The following LRRC49 variants were observed in gnomAD, a reference collection of about 807,000 sequenced individuals.
LRRC49 encodes the protein leucine-rich repeat-containing protein 49.
Under a neutral mutation model 83.3 loss-of-function variants are expected in LRRC49, and 50 were observed. The ratio of observed to expected loss-of-function variants is 0.60; its 90% CI spans 0.48 to 0.76. The LOEUF (loss-of-function observed/expected upper bound fraction) is 0.76, where lower values mean the gene tolerates loss of function less well. LRRC49 is among the 30% of genes least tolerant of loss of function. LRRC49 has a pLI of 0.00. For missense variants in LRRC49, 704 were observed against 809.1 expected (o/e 0.87, Z 1.58); for synonymous variants, 286 against 283.3 (o/e 1.01, Z -0.10).
At chr15:70,887,699 C>T (rs1379905005), upstream of LRRC49, among the ~76,000 whole-genome samples, 1 of 152,092 alleles carries the variant, frequency 6.6e-6, no homozygotes, top group Non-Finnish European at 1.5e-5. Context: ...GAAAAGGATT[C>T]CCCTCACCTC....
At chr15:70,937,733 G>T (rs537052235) in intron 8 of LRRC49, among the ~76,000 whole-genome samples, 1 of 152,222 alleles carries the variant, frequency 6.6e-6, no homozygotes, top group South Asian at 2.1e-4. Flanking sequence ...GTCTCTAAAA[G>T]ACAGAAATTA....
chr15:70,947,830 C>T (rs552870133), intron 8 of LRRC49, among the ~76,000 whole-genome samples: 5 of 152,228 alleles, frequency 3.3e-5, no homozygotes, highest in South Asian at 4.1e-4. Flanking sequence ...TGGAATGAAT[C>T]GCCGCAGCCA....
intron 8 of LRRC49, among the ~76,000 whole-genome samples, chr15:70,952,778 C>T (rs1158241664): frequency 2.6e-5 from 4 of 151,572 alleles, no homozygotes; most frequent in South Asian, 2.1e-4. Flanking sequence ...CTTCACAGAT[C>T]GCTAAGAACT....
chr15:70,956,060 T>A (rs2036389956), intron 8 of LRRC49, among the ~76,000 whole-genome samples: 1 of 152,298 alleles, frequency 6.6e-6, no homozygotes, highest in Admixed American at 6.5e-5. Context: ...TCATGGTACC[T>A]TGCTGGTATA....
chr15:71,048,670 A>G, intron 15 of LRRC49: 3 of 407,722 alleles, frequency 7.4e-6, no homozygotes, highest in Non-Finnish European at 1.5e-5. Context: ...TAAATTCTTG[A>G]TTAAACAAAA....
intron 7 of LRRC49, among the ~76,000 whole-genome samples, chr15:70,931,691 T>C (rs1242407954): frequency 6.6e-6 from 1 of 152,230 alleles, no homozygotes; most frequent in African/African-American, 2.4e-5. Flanking sequence ...TATATTTTCT[T>C]AATTTTTTGG....
chr15:70,859,183 G>C, intron 1 of LRRC49: 1 of 1,472,296 alleles, frequency 6.8e-7, no homozygotes, highest in Non-Finnish European at 9.5e-7. Flanking sequence ...TGAGCCAGGA[G>C]AAGCTGAAGC....
chr15:71,038,747 A>G (rs542884537), intron 15 of LRRC49, among the ~76,000 whole-genome samples: 6 of 152,168 alleles, frequency 3.9e-5, no homozygotes, highest in Non-Finnish European at 7.4e-5. Flanking sequence ...TAGTGATCCT[A>G]GTACCACCTT....
rs924935418 is a variant in LRRC49 at position 70,882,569 on chromosome 15, G to A, written c.18+9346G>A. On this transcript the variant is annotated intron_variant, in intron 2 of 16. Transcript: ENST00000544974. Reference sequence around the variant, plus strand: ...ACTGGAGTAAATGTCAAAGAGAGAGGAAGTTCTAGACCACAATTCCTCTGT... The same window carrying A: ...ACTGGAGTAAATGTCAAAGAGAGAGAAAGTTCTAGACCACAATTCCTCTGT... 4 of 1,613,804 alleles carry A rather than the reference G, an allele frequency of 2.5e-6. No individual in the cohort carries two copies. In the African/African-American group the frequency reaches 5.3e-5, roughly 22 times the overall value.
At position 71,005,256 on chromosome 15, in the gene LRRC49, T is replaced by A. The variant is rs908318156; in HGVS notation, c.1170-3123T>A. ...TCAGTTCAAATCCAACCTTCCTTTT[T>A]AAAATTGACTTTTCCCCTCTGGAAG... On this transcript the variant is annotated intron_variant, in intron 11 of 15. Transcript: ENST00000260382. 2.2e-4 allele frequency among the ~76,000 whole-genome samples: 34 copies of A among 152,128 alleles called. 1 individual carries two copies. The highest frequency in any genetic ancestry group is 1.3e-3 in the Admixed American group (20 of 15,268).
chr15:70,871,996 C>T (rs1284907007), intron 1 of LRRC49, among the ~76,000 whole-genome samples: 2 of 152,058 alleles, frequency 1.3e-5, no homozygotes, highest in East Asian at 3.9e-4. Flanking sequence ...GACGGGATGG[C>T]GGCCGGGCAG....
intron 5 of LRRC49, among the ~76,000 whole-genome samples, chr15:70,910,398 CTA>C (rs2141120885): frequency 1.3e-5 from 2 of 152,008 alleles, no homozygotes; most frequent in African/African-American, 4.8e-5. Flanking sequence ...TATATACACA[CTA>C]TATATAGATA....
At chr15:71,007,864 A>G (rs1349147115) in intron 11 of LRRC49, among the ~76,000 whole-genome samples, 2 of 151,340 alleles carry the variant, frequency 1.3e-5, no homozygotes, top group Non-Finnish European at 3.0e-5. Context: ...TTCAAAAACC[A>G]TTGAAGTATC....
intron 7 of LRRC49, among the ~76,000 whole-genome samples, chr15:70,920,825 T>G (rs1031759601): frequency 2.0e-5 from 3 of 152,182 alleles, no homozygotes; most frequent in Admixed American, 2.0e-4. Context: ...TATATCAAAT[T>G]TACTATATCC....
At chr15:70,969,881 A>T (rs2036931014) in intron 9 of LRRC49, among the ~76,000 whole-genome samples, 1 of 152,186 alleles carries the variant, frequency 6.6e-6, no homozygotes, top group Non-Finnish European at 1.5e-5. Context: ...TTTGGGGCTG[A>T]GATGATGGGG....
intron 14 of LRRC49, among the ~76,000 whole-genome samples, chr15:71,021,440 T>C (rs1040902204): frequency 6.6e-6 from 1 of 152,226 alleles, no homozygotes; most frequent in East Asian, 1.9e-4. Flanking sequence ...AAATAGAACA[T>C]GTGGATTAAA....
chr15:70,886,838 C>G, intron 2 of LRRC49, among the ~76,000 whole-genome samples: 1 of 151,818 alleles, frequency 6.6e-6, no homozygotes, highest in South Asian at 2.1e-4. Context: ...TGCACTCCAG[C>G]CTGTGTGACA....
chr15:70,904,421 G>A lies in LRRC49; in HGVS notation c.297-131G>A, dbSNP rs571334015. ...TTAAATATAGGTCGCTTAGTTCATG[G>A]GGGTTGGAAGTGGTCCAACTTATTT... On this transcript the variant is annotated intron_variant, in intron 4 of 15. Transcript: ENST00000260382. 47 of 583,746 alleles carry A rather than the reference G, an allele frequency of 8.1e-5. No individual in the cohort carries two copies. The African/African-American group carries it at 8.4e-4, about 10-fold the overall frequency. 36.2% of individuals were successfully genotyped at this position (583,746 alleles called of 1,614,324 possible). A position where few individuals can be genotyped will look rare whatever the true frequency, so the allele number is the denominator to read the frequency against.
chr15:70,870,729 A>T (rs113767073), intron 1 of LRRC49, among the ~76,000 whole-genome samples: 45,846 of 151,922 alleles, frequency 0.3, 8,230 homozygotes, highest in Non-Finnish European at 0.4. Flanking sequence ...ACCTCAGGTG[A>T]TTTGCCCGCC....
Sources: gnomAD v4.1 joint callset for allele counts (sites outside exome capture counted in the v4.1 genomes callset) on GRCh38, gnomAD v4.1.1 for gene constraint, MANE v1.5 for transcripts, NCBI Gene and HGNC (gene_info 2026-07-23, HGNC 2026-07-21) for gene names.